The following MLIP variants were observed in gnomAD, a reference collection of about 807,000 sequenced individuals.
MLIP encodes the protein muscular LMNA-interacting protein.
MLIP carries 79 observed loss-of-function variants against 84.8 expected under a neutral mutation model. The ratio of observed to expected loss-of-function variants is 0.93; its 90% CI spans 0.78 to 1.12. The LOEUF is 1.12. Among genes scored for constraint, MLIP ranks in the 50% most tolerant of loss-of-function variants. The pLI is 0.00. For missense variants in MLIP, 1,257 were observed against 1,160.6 expected (o/e 1.08, Z -1.21); for synonymous variants, 504 against 463.0 (o/e 1.09, Z -1.14).
chr6:54,112,457 G>A (rs1769546940), intron 1 of MLIP, among the ~76,000 whole-genome samples: 1 of 152,184 alleles, frequency 6.6e-6, no homozygotes, highest in Non-Finnish European at 1.5e-5. Context: ...GGTGAAAAGA[G>A]CTAATATTGT....
chr6:54,091,671 C>A (rs902347602), intron 1 of MLIP, among the ~76,000 whole-genome samples: 2 of 152,108 alleles, frequency 1.3e-5, no homozygotes, highest in Non-Finnish European at 2.9e-5. Flanking sequence ...GAAAAGCAAG[C>A]AATGACTTGA....
At chr6:54,154,113 CTCTA>C (rs1431542144) in intron 5 of MLIP, among the ~76,000 whole-genome samples, 1 of 150,804 alleles carries the variant, frequency 6.6e-6, no homozygotes, top group African/African-American at 2.4e-5. Flanking sequence ...TGCTTTCTTT[CTCTA>C]TCTTGAACTT....
intron 12 of MLIP, among the ~76,000 whole-genome samples, chr6:54,244,945 C>A (rs1781978248): frequency 6.6e-6 from 1 of 152,088 alleles, no homozygotes; most frequent in East Asian, 1.9e-4. Flanking sequence ...TGTATGGCTG[C>A]AGGTAGGCAG....
At chr6:54,146,677 T>C (rs190901753) in intron 4 of MLIP, among the ~76,000 whole-genome samples, 1 of 152,318 alleles carries the variant, frequency 6.6e-6, no homozygotes, top group African/African-American at 2.4e-5. Context: ...ATGAGGGAGT[T>C]GAACCAAATG....
chr6:54,104,021 C>A (rs1176735316), intron 1 of MLIP, among the ~76,000 whole-genome samples: 2 of 152,022 alleles, frequency 1.3e-5, no homozygotes, highest in African/African-American at 4.8e-5. Flanking sequence ...ATCAATTAAA[C>A]CCTCTTATAT....
At chr6:54,226,637 AAAACAAAC>A (rs146772853) in intron 11 of MLIP, among the ~76,000 whole-genome samples, 69 of 151,632 alleles carry the variant, frequency 4.6e-4, no homozygotes, top group African/African-American at 8.5e-4. Flanking sequence ...AACAGGAAAT[AAAACAAAC>A]AAACAAACAA....
At chr6:54,150,364 T>G (rs981544128) in intron 5 of MLIP, among the ~76,000 whole-genome samples, 3 of 152,152 alleles carry the variant, frequency 2.0e-5, no homozygotes, top group African/African-American at 7.2e-5. Flanking sequence ...AAATACGGAT[T>G]TCAGGAGACT....
At chr6:54,024,170 G>A (rs756536262) in intron 1 of MLIP, among the ~76,000 whole-genome samples, 6 of 152,138 alleles carry the variant, frequency 3.9e-5, no homozygotes, top group Non-Finnish European at 7.3e-5. Context: ...GGGCCACCAT[G>A]CCCAGCTAAT....
At chr6:54,218,530 A>AT (rs1193014547) in intron 11 of MLIP, among the ~76,000 whole-genome samples, 5 of 151,938 alleles carry the variant, frequency 3.3e-5, no homozygotes, top group African/African-American at 4.8e-5. Context: ...ATTTATTAAT[A>AT]TTTTTTTGAG....
intron 11 of MLIP, among the ~76,000 whole-genome samples, chr6:54,208,785 A>C (rs1294771227): frequency 1.3e-5 from 2 of 152,186 alleles, no homozygotes; most frequent in Non-Finnish European, 2.9e-5. Flanking sequence ...TTTATGTACC[A>C]AATTGTCTTA....
intron 1 of MLIP, among the ~76,000 whole-genome samples, chr6:54,029,903 C>A (rs1248766772): frequency 6.6e-6 from 1 of 152,064 alleles, no homozygotes; most frequent in Non-Finnish European, 1.5e-5. Context: ...AATGAGCCAC[C>A]ATTTTCTCAT....
At chr6:54,055,894 T>C (rs963253789) in intron 1 of MLIP, among the ~76,000 whole-genome samples, 1 of 152,160 alleles carries the variant, frequency 6.6e-6, no homozygotes, top group Non-Finnish European at 1.5e-5. Flanking sequence ...CTTACCCTTA[T>C]GTGGCAATTC....
chr6:54,145,962 C>A (rs1035327435), intron 4 of MLIP, among the ~76,000 whole-genome samples: 1 of 152,068 alleles, frequency 6.6e-6, no homozygotes, highest in South Asian at 2.1e-4. Context: ...AAATGACACA[C>A]CTAACAAAAT....
intron 10 of MLIP, among the ~76,000 whole-genome samples, chr6:54,190,258 T>C (rs1014294435): frequency 8.5e-5 from 13 of 152,102 alleles, no homozygotes; most frequent in Non-Finnish European, 1.9e-4. Flanking sequence ...AAGGTCATGA[T>C]TGAGTAGGAT....
chr6:54,051,552 A>G (rs777154715), intron 1 of MLIP, among the ~76,000 whole-genome samples: 2 of 152,108 alleles, frequency 1.3e-5, no homozygotes, highest in Non-Finnish European at 2.9e-5. Context: ...TGAGACTTTC[A>G]GTGTCCCTCC....
chr6:54,163,321 A>G (rs765952243), intron 8 of MLIP, among the ~76,000 whole-genome samples: 7 of 151,742 alleles, frequency 4.6e-5, no homozygotes, highest in Admixed American at 2.0e-4. Context: ...TTTACATTCA[A>G]TTAGATTCTA....
upstream of MLIP, among the ~76,000 whole-genome samples, chr6:54,106,561 T>C (rs1769033404): frequency 6.6e-6 from 1 of 152,180 alleles, no homozygotes; most frequent in African/African-American, 2.4e-5. Flanking sequence ...TGGATTTATT[T>C]TGAAGGGACA....
At chr6:54,083,803 C>T (rs1264306209) in intron 1 of MLIP, among the ~76,000 whole-genome samples, 1 of 152,118 alleles carries the variant, frequency 6.6e-6, no homozygotes, top group African/African-American at 2.4e-5. Context: ...GACTAATTAG[C>T]ATGCTCAACT....
chr6:54,218,669 C>T (rs190947016), intron 11 of MLIP, among the ~76,000 whole-genome samples: 1 of 151,978 alleles, frequency 6.6e-6, no homozygotes, highest in African/African-American at 2.4e-5. Flanking sequence ...CAGGTGCACG[C>T]CATCATACAT....
Sources: allele counts gnomAD v4.1 joint callset (sites outside exome capture counted in the v4.1 genomes callset), GRCh38; gene constraint gnomAD v4.1.1; transcripts MANE v1.5; gene names NCBI Gene and HGNC (gene_info 2026-07-23, HGNC 2026-07-21).